Variants in PPP1R12A observed in about 807,000 individuals in gnomAD.
The protein encoded by PPP1R12A is myosin binding subunit.
PPP1R12A carries 19 observed loss-of-function variants against 139.6 expected under a neutral mutation model. The observed-to-expected ratio is 0.14, with a 90% confidence interval of 0.09 to 0.20. PPP1R12A has a LOEUF of 0.20. Ranked by LOEUF, PPP1R12A falls within the 10% of genes least tolerant of loss-of-function variation. The pLI is 1.00. For synonymous variants in PPP1R12A, 427 were observed against 420.6 expected (o/e 1.02, Z -0.19); for missense variants, 925 against 1,211.5 (o/e 0.76, Z 3.51).
At position 79,820,801 on chromosome 12, in the gene PPP1R12A, C is replaced by A. The variant is rs762797448; in HGVS notation, c.1087G>T (p.Asp363Tyr). The A allele has an allele frequency of 2.5e-6, 4 of 1,612,870 alleles. No homozygotes were observed. The highest frequency in any genetic ancestry group is 2.2e-5 in the East Asian group (1 of 44,814). Residue 363 changes from aspartate (D) to tyrosine (Y), a missense_variant, in exon 8 of 25, where the codon GAT (aspartate) becomes TAT (tyrosine). Physicochemically the swap from Asp to Tyr is radical, Grantham distance 160. Around this residue, in one of 4 missense-constraint regions of PPP1R12A, gnomAD observed 403 missense variants for 463.7 expected, o/e 0.87. Transcript: ENST00000450142. ...GTTTCAGCTTCTGATTCCGAGTCAT[C>A]TTCCTCATCTTCTTCACTAGAGCAG... ...SSCSSEEDEE[D>Y]DSESEAETDK... is the part of the protein sequence containing the mutation.
intron 12 of PPP1R12A, chr12:79,806,676 C>T (rs540029699): frequency 3.7e-5 from 7 of 189,972 alleles, no homozygotes; most frequent in Non-Finnish European, 6.5e-5. Context: ...GAAAACAAGA[C>T]GTTGACATTT....
At chr12:79,883,345 G>A (rs1883821494) in intron 1 of PPP1R12A, among the ~76,000 whole-genome samples, 1 of 151,980 alleles carries the variant, frequency 6.6e-6, no homozygotes, top group African/African-American at 2.4e-5. Flanking sequence ...ACTTTTATAT[G>A]CACTGAGAAA....
chr12:79,892,074 C>T (rs1221964813), intron 1 of PPP1R12A, among the ~76,000 whole-genome samples: 1 of 152,192 alleles, frequency 6.6e-6, no homozygotes. Context: ...AATGGCCATA[C>T]TGTTGGATTT....
intron 1 of PPP1R12A, among the ~76,000 whole-genome samples, chr12:79,930,003 T>C (rs1232385349): frequency 6.6e-6 from 1 of 152,200 alleles, no homozygotes; most frequent in Non-Finnish European, 1.5e-5. Context: ...GAGCATCTAC[T>C]ATGTGCTAGG....
At chr12:79,932,966 ATC>A (rs1283440125) in intron 1 of PPP1R12A, among the ~76,000 whole-genome samples, 2 of 152,194 alleles carry the variant, frequency 1.3e-5, no homozygotes, top group African/African-American at 4.8e-5. Context: ...GTCTTTCAAA[ATC>A]TGTTTCACAC....
chr12:79,890,901 CCACCCACACACA>C (rs1385970075), intron 1 of PPP1R12A, among the ~76,000 whole-genome samples: 4 of 30,966 alleles, frequency 1.3e-4, no homozygotes, highest in East Asian at 8.8e-4. Context: ...CCACCCACAC[CCACCCACACACA>C]CACACACACA....
chr12:79,802,432 A>C (rs905967232), intron 14 of PPP1R12A, among the ~76,000 whole-genome samples: 7 of 152,182 alleles, frequency 4.6e-5, no homozygotes, highest in African/African-American at 1.7e-4. Context: ...TACCAAAGGA[A>C]GAGAAGAAAA....
intron 1 of PPP1R12A, among the ~76,000 whole-genome samples, chr12:79,925,298 A>G (rs185654596): frequency 9.9e-5 from 15 of 152,182 alleles, no homozygotes; most frequent in African/African-American, 2.7e-4. Flanking sequence ...CCATGAAAAT[A>G]TACTTTCCCA....
At chr12:79,792,908 T>C (rs1012514141) in intron 19 of PPP1R12A, among the ~76,000 whole-genome samples, 4 of 152,202 alleles carry the variant, frequency 2.6e-5, no homozygotes, top group African/African-American at 4.8e-5. Context: ...TCACTCCTCA[T>C]TGTCTGGCCA....
intron 14 of PPP1R12A, among the ~76,000 whole-genome samples, chr12:79,801,346 A>C (rs952550927): frequency 4.2e-5 from 2 of 47,866 alleles, no homozygotes; most frequent in African/African-American, 4.2e-4. Flanking sequence ...ACTCTGTCTC[A>C]AAAAAAAAAA....
chr12:79,824,703 G>T (rs1044827626), intron 5 of PPP1R12A, among the ~76,000 whole-genome samples: 5 of 151,964 alleles, frequency 3.3e-5, no homozygotes, highest in Non-Finnish European at 7.4e-5. Flanking sequence ...ACATTATTTG[G>T]TTCTTAACTA....
At chr12:79,833,997 G>A (rs1052965708) in intron 3 of PPP1R12A, among the ~76,000 whole-genome samples, 1 of 151,956 alleles carries the variant, frequency 6.6e-6, no homozygotes, top group Admixed American at 6.6e-5. Flanking sequence ...CAACTGTTTG[G>A]ACAAGATTTT....
intron 1 of PPP1R12A, among the ~76,000 whole-genome samples, chr12:79,917,480 T>C (rs1417095871): frequency 4.8e-4 from 36 of 74,608 alleles, no homozygotes; most frequent in Admixed American, 9.7e-4. Context: ...CGAGACTCTG[T>C]CTCAAAAAAA....
intron 2 of PPP1R12A, among the ~76,000 whole-genome samples, chr12:79,852,832 G>A (rs1237464090): frequency 6.6e-6 from 1 of 152,206 alleles, no homozygotes; most frequent in Non-Finnish European, 1.5e-5. Context: ...CATAGGTAGA[G>A]AAAGGCTTTT....
intron 1 of PPP1R12A, among the ~76,000 whole-genome samples, chr12:79,914,427 C>T (rs770670632): frequency 2.0e-5 from 3 of 151,846 alleles, no homozygotes; most frequent in Non-Finnish European, 4.4e-5. Context: ...GCTAGTGTGT[C>T]CTTGATTTTT....
intron 1 of PPP1R12A, among the ~76,000 whole-genome samples, chr12:79,876,353 T>C (rs769909047): frequency 6.6e-5 from 10 of 152,206 alleles, no homozygotes; most frequent in Non-Finnish European, 1.5e-4. Flanking sequence ...GCACAGTTCT[T>C]GACATGCAGA....
intron 3 of PPP1R12A, among the ~76,000 whole-genome samples, chr12:79,833,670 C>A (rs1013646625): frequency 2.3e-4 from 31 of 133,696 alleles, no homozygotes; most frequent in Admixed American, 3.7e-4. Context: ...ACTAAAAATA[C>A]AAAAAAAAAA....
At chr12:79,852,604 G>T (rs553452900) in intron 2 of PPP1R12A, among the ~76,000 whole-genome samples, 4 of 152,158 alleles carry the variant, frequency 2.6e-5, no homozygotes, top group Non-Finnish European at 5.9e-5. Flanking sequence ...AGCAGATGAA[G>T]ATAGTGAGGT....
intron 14 of PPP1R12A, among the ~76,000 whole-genome samples, chr12:79,799,139 C>CT (rs920138597): frequency 2.6e-5 from 4 of 151,862 alleles, no homozygotes; most frequent in African/African-American, 4.8e-5. Flanking sequence ...CTTTCTAAAT[C>CT]TTTTTTTTGT....
Sources: gnomAD v4.1 joint callset for allele counts (sites outside exome capture counted in the v4.1 genomes callset) on GRCh38, gnomAD v4.1.1 for gene constraint, gnomAD v4.1.1 regional missense constraint, MANE v1.5 for transcripts, NCBI Gene and HGNC (gene_info 2026-07-23, HGNC 2026-07-21) for gene names.